PHB2: variants seen among roughly 807,000 people sequenced by gnomAD.
PHB2 encodes the protein prohibitin-2.
A neutral mutation model predicts 46.4 loss-of-function variants in PHB2; 22 were observed. The ratio of observed to expected loss-of-function variants is 0.47; its 90% CI spans 0.34 to 0.68. PHB2 has a LOEUF of 0.68. PHB2 is among the 30% of genes least tolerant of loss of function. The pLI, the probability that PHB2 is intolerant of heterozygous loss-of-function variation, is 0.01. For synonymous variants in PHB2, 156 were observed against 150.5 expected, an observed-to-expected ratio of 1.04 and a Z score of -0.27; for missense variants, 305 against 382.8, an observed-to-expected ratio of 0.80 and a Z score of 1.70.
At position 6,969,908 on chromosome 12, in the gene PHB2, A is replaced by AG. The variant is rs1565591377; in HGVS notation, c.212+287_212+288insC. 4 of 630,058 alleles carry AG rather than the reference A, an allele frequency of 6.3e-6. 1 individual carries two copies. The East Asian group carries it at 9.1e-5, about 14-fold the overall frequency. 39.0% of individuals were successfully genotyped at this position (630,058 alleles called of 1,614,324 possible). ...AGCAAGACTCCCTCTCCAAAAAAAAAAAAAGAAAAGGCCGCAGTTTCACTA... is the reference window on the plus strand; with the variant it reads ...AGCAAGACTCCCTCTCCAAAAAAAAAGAAAAGAAAAGGCCGCAGTTTCACTA... On this transcript the variant is annotated intron_variant, in intron 2 of 9. Transcript: ENST00000535923.
At position 6,967,288 on chromosome 12, in the gene PHB2, C is replaced by G. The variant is rs1555150940; in HGVS notation, c.712-40G>C. 6.2e-7 allele frequency: 1 copy of G among 1,612,698 alleles called. No homozygotes were observed. Reference sequence around the variant, plus strand: ...GGTACACGCAAGGGCAGGTCTCAATCCCTGGCCCTGTCCTTACCACACTCC... The same window carrying G: ...GGTACACGCAAGGGCAGGTCTCAATGCCTGGCCCTGTCCTTACCACACTCC... On this transcript the variant is annotated intron_variant, in intron 6 of 9. Coordinates refer to ENST00000535923, the MANE Select transcript of PHB2 (RefSeq NM_001144831.2). The surrounding 1 kb of genome is among the most constrained non-coding windows in gnomAD (Gnocchi z 4.9).
Position 6,965,555 on chromosome 12 carries a change from G to C in PHB2, c.*130C>G. On this transcript the variant is annotated 3_prime_UTR_variant, in exon 10 of 10. Coordinates refer to ENST00000535923, the MANE Select transcript of PHB2 (RefSeq NM_001144831.2). ...TCTTCCTTAATCCAAGAGGGGTTCAGGGAACCGGTGTGGGGGACCATCGCA... is the reference window on the plus strand; with the variant it reads ...TCTTCCTTAATCCAAGAGGGGTTCACGGAACCGGTGTGGGGGACCATCGCA... 1.3e-6 allele frequency: 1 copy of C among 742,002 alleles called. No homozygotes were observed. Among genetic ancestry groups the C allele is most frequent in the Non-Finnish European group, 2.4e-6 (1 of 414,986 alleles). 46.0% of individuals were successfully genotyped at this position (742,002 alleles called of 1,614,324 possible).
intron 4 of PHB2, 44 bp downstream of exon 4, chr12:6,968,367 G>A (rs1946252685): frequency 7.0e-7 from 1 of 1,420,952 alleles, no homozygotes; most frequent in Non-Finnish European, 9.8e-7. Context: ...TCTGGGCCTA[G>A]GAAGGAAAGG....
At chr12:6,968,665 C>T (rs1203226751) in intron 3 of PHB2, 70 bp from the exon 4 acceptor site, 2 of 1,237,222 alleles carry the variant, frequency 1.6e-6, no homozygotes, top group African/African-American at 1.5e-5. Flanking sequence ...CCTTCATGTT[C>T]CTCCCTGTAT....
At position 6,967,279 on chromosome 12, in the gene PHB2, G is replaced by A. The variant is rs1401896987; in HGVS notation, c.712-31C>T. On this transcript the variant is annotated intron_variant, in intron 6 of 9. Transcript: ENST00000535923. The surrounding 1 kb of genome is among the most constrained non-coding windows in gnomAD (Gnocchi z 4.9). Reference sequence around the variant, plus strand: ...GAGGGTTAAGGTACACGCAAGGGCAGGTCTCAATCCCTGGCCCTGTCCTTA... The same window carrying A: ...GAGGGTTAAGGTACACGCAAGGGCAAGTCTCAATCCCTGGCCCTGTCCTTA... The A allele has an allele frequency of 6.2e-7, 1 of 1,613,044 alleles. No homozygotes were observed. The highest frequency in any genetic ancestry group is 8.5e-7 in the Non-Finnish European group (1 of 1,179,144).
Position 6,968,999 on chromosome 12 carries a change from A to G in PHB2, c.293-404T>C, listed in dbSNP as rs186180275. On this transcript the variant is annotated intron_variant, in intron 3 of 9. Coordinates refer to ENST00000535923, the MANE Select transcript of PHB2 (RefSeq NM_001144831.2). ...GACCTGCACTAGGTATAGCACAAAGAAGTACATTACAGGTTACAGGTGAGC... is the reference window on the plus strand; with the variant it reads ...GACCTGCACTAGGTATAGCACAAAGGAGTACATTACAGGTTACAGGTGAGC... 8.6e-4 allele frequency among the ~76,000 whole-genome samples: 131 copies of G among 152,312 alleles called. 1 individual carries two copies. Among genetic ancestry groups the G allele is most frequent in the Non-Finnish European group, 1.6e-3 (108 of 68,016 alleles).
Position 6,967,667 on chromosome 12 carries a change from G to T in PHB2, c.711+9C>A. ...GGGCTGGGCTGAGATCTCTCCAGCA[G>T]AAGGATATCATCTTGGCAGCCTCGG... is the stretch of plus-strand genomic sequence containing the variant. On this transcript the variant is annotated intron_variant, in intron 6 of 9. Coordinates refer to ENST00000535923, the MANE Select transcript of PHB2 (RefSeq NM_001144831.2). This position sits in a 1 kb window ranked among gnomAD's most constrained non-coding sequence, Gnocchi z 4.9. 1.2e-6 allele frequency: 2 copies of T among 1,605,416 alleles called. No homozygotes were observed. Among genetic ancestry groups the T allele is most frequent in the African/African-American group, 1.3e-5 (1 of 74,894 alleles).
Position 6,967,090 on chromosome 12 carries a change from A to T in PHB2, c.789+81T>A. ...TAGAAACCGGAACAAGCAAGGTTCG[A>T]ATTCCCTCACCTCAATGTGCCTTAA... On this transcript the variant is annotated intron_variant, in intron 7 of 9. Transcript: ENST00000535923. This position sits in a 1 kb window ranked among gnomAD's most constrained non-coding sequence, Gnocchi z 4.9. 6 of 1,170,048 alleles carry T rather than the reference A, an allele frequency of 5.1e-6. No individual in the cohort carries two copies. The highest frequency in any genetic ancestry group is 6.2e-6 in the Non-Finnish European group (5 of 803,140). 72.5% of individuals were successfully genotyped at this position (1,170,048 alleles called of 1,614,324 possible). A position where few individuals can be genotyped will look rare whatever the true frequency, so the allele number is the denominator to read the frequency against.
chr12:6,965,730 T>A lies in PHB2; in HGVS notation c.873-18A>T, dbSNP rs1565588944. ...GGCTGTCACTGTAGGAAAAAAAAGATAGATAATGACATTATTAGGGGACAT... is the reference window on the plus strand; with the variant it reads ...GGCTGTCACTGTAGGAAAAAAAAGAAAGATAATGACATTATTAGGGGACAT... On this transcript the variant is annotated intron_variant, in intron 9 of 9. Coordinates refer to ENST00000535923, the MANE Select transcript of PHB2 (RefSeq NM_001144831.2). The A allele has an allele frequency of 6.2e-7, 1 of 1,608,260 alleles. No individual in the cohort carries two copies. Among genetic ancestry groups the A allele is most frequent in the South Asian group, 1.1e-5 (1 of 90,686 alleles).
chr12:6,969,590 G>A lies in PHB2; in HGVS notation c.213-13C>T, dbSNP rs368129669. ...GAACCAAGGGATCCTGGAGAGGACA[G>A]GGATAGGTATTAAGAGGCCACAGTT... On this transcript the variant is annotated splice_polypyrimidine_tract_variant and intron_variant, in intron 2 of 9. Coordinates refer to ENST00000535923, the MANE Select transcript of PHB2 (RefSeq NM_001144831.2). 1.3e-6 allele frequency: 2 copies of A among 1,557,402 alleles called. No individual in the cohort carries two copies. The highest frequency in any genetic ancestry group is 4.5e-5 in the East Asian group (2 of 44,498).
rs781873826 is a variant in PHB2, at chr12:6,965,896, G to T, written c.872+15C>A. ...AGGTGGCCTGCAGGACCCCACAGAA[G>T]CAACAACAGCTTACCTTCCCCTGTG... On this transcript the variant is annotated intron_variant, in intron 9 of 9. Transcript: ENST00000535923. The T allele has an allele frequency of 3.2e-5, 51 of 1,598,872 alleles. No homozygotes were observed. The highest frequency in any genetic ancestry group is 4.0e-5 in the Non-Finnish European group (47 of 1,179,362).
At chr12:6,969,092 A>G (rs1293644723) in intron 3 of PHB2, among the ~76,000 whole-genome samples, 1 of 152,174 alleles carries the variant, frequency 6.6e-6, no homozygotes, top group Non-Finnish European at 1.5e-5. Flanking sequence ...ACTCAAAGGC[A>G]CGGCTTTTAT....
At chr12:6,965,947 A>G (rs1225031330) in intron 8 of PHB2, 31 bp from the exon 9 acceptor site, 5 of 1,597,096 alleles carry the variant, frequency 3.1e-6, no homozygotes, top group Non-Finnish European at 4.2e-6. Context: ...ATGAACAAGA[A>G]ACAGAGAAGA....
chr12:6,967,525 T>A lies in PHB2; in HGVS notation c.711+151A>T, dbSNP rs1555151037. 2 of 905,122 alleles carry A rather than the reference T, an allele frequency of 2.2e-6. No individual in the cohort carries two copies. The highest frequency in any genetic ancestry group is 3.7e-6 in the Non-Finnish European group (2 of 544,740). 56.1% of individuals were successfully genotyped at this position (905,122 alleles called of 1,614,324 possible). A position where few individuals can be genotyped will look rare whatever the true frequency, so the allele number is the denominator to read the frequency against. On this transcript the variant is annotated intron_variant, in intron 6 of 9. Transcript: ENST00000535923. The surrounding 1 kb of genome is among the most constrained non-coding windows in gnomAD (Gnocchi z 4.9). ...CAGGTACTACCACTAAGATTTCAGATCTCATCTGTAGTCCCCACCCCCAAC... is the reference window on the plus strand; with the variant it reads ...CAGGTACTACCACTAAGATTTCAGAACTCATCTGTAGTCCCCACCCCCAAC...
At chr12:6,970,139 T>A in intron 2 of PHB2, 57 bp downstream of exon 2, 10 of 1,284,032 alleles carry the variant, frequency 7.8e-6, no homozygotes, top group Non-Finnish European at 1.0e-5. Context: ...CTATAGCCAC[T>A]GCTGGGTCGG....
intron 9 of PHB2, 57 bp downstream of exon 9, chr12:6,965,854 G>A: frequency 6.3e-7 from 1 of 1,595,416 alleles, no homozygotes; most frequent in Non-Finnish European, 8.5e-7. Context: ...GGTAGGGTAG[G>A]AGGCGGGTAC....
At position 6,967,228 on chromosome 12, in the gene PHB2, C is replaced by T. The variant is rs1230563407; in HGVS notation, c.732G>A (p.Lys244=). ...AAKMLGEALS[K]NPGYIKLRKI... ...TGCGAAGTTTGATGTAGCCAGGGTTCTTGCTCAGTGCTTCTCCAAGGTGAG... is the reference window on the plus strand; with the variant it reads ...TGCGAAGTTTGATGTAGCCAGGGTTTTTGCTCAGTGCTTCTCCAAGGTGAG... The change falls in exon 7 of 10, where the codon AAG becomes AAA. Residue 244 remains lysine (K), a synonymous_variant. Coordinates refer to ENST00000535923, the MANE Select transcript of PHB2 (RefSeq NM_001144831.2). The surrounding 1 kb of genome is among the most constrained non-coding windows in gnomAD (Gnocchi z 4.9). 9.3e-6 allele frequency: 15 copies of T among 1,612,702 alleles called. No homozygotes were observed. The highest frequency in any genetic ancestry group is 1.3e-5 in the Non-Finnish European group (15 of 1,179,398).
rs971289636 is a variant in PHB2, at chr12:6,970,582, G to A, written c.-39C>T. On this transcript the variant is annotated 5_prime_UTR_variant, in exon 1 of 10. Coordinates refer to ENST00000535923, the MANE Select transcript of PHB2 (RefSeq NM_001144831.2). ...GCCGGCGGCACTGGAGGTCAGAAGG[G>A]GGTGCCGGCCCGCCTCTACCCCGCT... 4.8e-5 allele frequency: 74 copies of A among 1,548,314 alleles called. No homozygotes were observed. The highest frequency in any genetic ancestry group is 2.2e-4 in the Middle Eastern group (1 of 4,510).
chr12:6,965,787 C>T (rs1946202314), intron 9 of PHB2, 75 bp from the exon 10 acceptor site: 2 of 1,534,922 alleles, frequency 1.3e-6, no homozygotes, highest in Non-Finnish European at 1.8e-6. Flanking sequence ...CTAGGCCATT[C>T]CCTCTACGAC....
Sources: allele counts gnomAD v4.1 joint callset (sites outside exome capture counted in the v4.1 genomes callset), GRCh38; gene constraint gnomAD v4.1.1; non-coding constraint Gnocchi (gnomAD v3.1); transcripts MANE v1.5; gene names NCBI Gene and HGNC (gene_info 2026-07-23, HGNC 2026-07-21).